The following SRRM4 variants were observed in gnomAD, a reference collection of about 807,000 sequenced individuals.
SRRM4 encodes the protein serine/arginine repetitive matrix protein 4.
Under a neutral mutation model 68.9 loss-of-function variants are expected in SRRM4, and 33 were observed. That is an observed-to-expected ratio of 0.48 (90% CI 0.36 to 0.64). The LOEUF (loss-of-function observed/expected upper bound fraction) is 0.64. Among genes scored for constraint, SRRM4 ranks in the 30% least tolerant of loss-of-function variants. The pLI is 0.00. For synonymous variants in SRRM4, 318 were observed against 318.8 expected (o/e 1.00, Z 0.03); for missense variants, 817 against 827.1 (o/e 0.99, Z 0.15).
At chr12:119,130,650 C>A (rs778201939) in intron 7 of SRRM4, 28 bp from the exon 8 acceptor site, 6 of 1,598,138 alleles carry the variant, frequency 3.8e-6, no homozygotes, top group Non-Finnish European at 5.1e-6. Context: ...CTTCAAAAGA[C>A]CCTCAGGTCT....
At position 119,125,446 on chromosome 12, in the gene SRRM4, G is replaced by C; in HGVS notation, c.581G>C (p.Ser194Thr). 6.2e-7 allele frequency: 1 copy of C among 1,612,950 alleles called. No individual in the cohort carries two copies. The highest frequency in any genetic ancestry group is 8.5e-7 in the Non-Finnish European group (1 of 1,179,610). Residue 194 changes from serine to threonine, a missense_variant, in exon 7 of 13, where the codon AGC becomes ACC. Physicochemically the swap from Ser to Thr is moderately conservative, Grantham distance 58. Transcript: ENST00000267260. The part of the protein sequence containing the change: ...RHHRCPSRSQ[S>T]SESRPSSCES... Reference sequence around the variant, plus strand: ...CACCGCTGCCCCTCGCGGTCCCAGAGCTCGGAGTCCCGCCCCTCAAGCTGT... The same window carrying C: ...CACCGCTGCCCCTCGCGGTCCCAGACCTCGGAGTCCCGCCCCTCAAGCTGT...
chr12:119,098,727 G>A lies in SRRM4; in HGVS notation c.132-3509G>A, dbSNP rs1399902132. On this transcript the variant is annotated intron_variant, in intron 1 of 12. Coordinates refer to ENST00000267260, the MANE Select transcript of SRRM4 (RefSeq NM_194286.4). ...CCTTCTCCATCTCCTCAATGTTGAC[G>A]CCATCCTTCCAGTTGCTCAGGCTCA... Among the ~76,000 whole-genome samples the A allele has an allele frequency of 2.6e-5, 4 of 152,216 alleles. No homozygotes were observed. In the East Asian group the frequency reaches 5.8e-4, roughly 22 times the overall value.
intron 1 of SRRM4, among the ~76,000 whole-genome samples, chr12:119,064,725 C>T (rs1374816584): frequency 6.6e-6 from 1 of 152,130 alleles, no homozygotes; most frequent in East Asian, 1.9e-4. Context: ...CTTTGGAATG[C>T]AGAAAGTGCT....
chr12:119,004,006 T>C (rs963389222), intron 1 of SRRM4, among the ~76,000 whole-genome samples: 1 of 152,074 alleles, frequency 6.6e-6, no homozygotes, highest in Admixed American at 6.5e-5. Flanking sequence ...GTTATTTAAT[T>C]AATAAAAATT....
At chr12:119,155,960 T>C (rs1018536092) in intron 12 of SRRM4, among the ~76,000 whole-genome samples, 1 of 152,198 alleles carries the variant, frequency 6.6e-6, no homozygotes, top group South Asian at 2.1e-4. Context: ...TCTCAAATAA[T>C]TCATCTTGAT....
intron 1 of SRRM4, among the ~76,000 whole-genome samples, chr12:119,059,985 C>G (rs1466582843): frequency 6.6e-6 from 1 of 152,114 alleles, no homozygotes; most frequent in Non-Finnish European, 1.5e-5. Context: ...TCAATCCAAT[C>G]TTCTGTATGC....
intron 1 of SRRM4, among the ~76,000 whole-genome samples, chr12:118,988,466 G>A (rs995410203): frequency 6.6e-6 from 1 of 152,186 alleles, no homozygotes; most frequent in Admixed American, 6.5e-5. Context: ...TCTGGCGTGG[G>A]CTATTAGGCT....
chr12:119,148,973 G>GC (rs1170560234), intron 9 of SRRM4, among the ~76,000 whole-genome samples: 2 of 152,170 alleles, frequency 1.3e-5, no homozygotes, highest in Non-Finnish European at 2.9e-5. Flanking sequence ...CTCTGGAGCT[G>GC]CACAGATCAA....
chr12:119,109,770 C>T (rs1322829408), intron 2 of SRRM4, among the ~76,000 whole-genome samples: 1 of 152,178 alleles, frequency 6.6e-6, no homozygotes, highest in Non-Finnish European at 1.5e-5. Context: ...CAAACATCCT[C>T]CTTTAGCGCA....
intron 1 of SRRM4, among the ~76,000 whole-genome samples, chr12:119,050,467 G>T (rs929377720): frequency 1.3e-5 from 2 of 152,220 alleles, no homozygotes; most frequent in Non-Finnish European, 2.9e-5. Context: ...ATCAGTAGGT[G>T]TTCATAAATT....
intron 5 of SRRM4, among the ~76,000 whole-genome samples, chr12:119,120,894 G>A (rs1954215101): frequency 6.6e-6 from 1 of 152,184 alleles, no homozygotes; most frequent in South Asian, 2.1e-4. Context: ...ACCCAAATCT[G>A]TAGACAGAGG....
At position 119,130,688 on chromosome 12, in the gene SRRM4, C is replaced by A; in HGVS notation, c.625C>A (p.Arg209=). The change falls in exon 8 of 13, where the codon CGG becomes AGG. Residue 209 remains arginine, a synonymous_variant. Transcript: ENST00000267260. The stretch of plus-strand genomic sequence containing the variant: ...CTCCCCCATCCCCAGGCACCGCGGC[C>A]GGTCCCCTGAGGAAGGGCAGAAGTC... ...PSSCESRHRG[R]SPEEGQKSRR... The A allele has an allele frequency of 6.2e-7, 1 of 1,610,596 alleles. No homozygotes were observed. The highest frequency in any genetic ancestry group is 8.5e-7 in the Non-Finnish European group (1 of 1,179,306).
chr12:119,122,723 TGC>T (rs1954230040), intron 6 of SRRM4, among the ~76,000 whole-genome samples: 4 of 152,088 alleles, frequency 2.6e-5, no homozygotes, highest in South Asian at 4.1e-4. Flanking sequence ...ACTGTGTGTG[TGC>T]GCTGTGTAAG....
intron 1 of SRRM4, among the ~76,000 whole-genome samples, chr12:119,047,241 G>A (rs1304758120): frequency 2.0e-5 from 3 of 152,134 alleles, no homozygotes; most frequent in African/African-American, 7.2e-5. Context: ...ATGTACATTT[G>A]TCAGCTAATG....
chr12:119,151,236 A>G lies in SRRM4; in HGVS notation c.1280+16A>G. 6.2e-7 allele frequency: 1 copy of G among 1,608,896 alleles called. No homozygotes were observed. The highest frequency in any genetic ancestry group is 8.5e-7 in the Non-Finnish European group (1 of 1,175,308). On this transcript the variant is annotated intron_variant, in intron 10 of 12. Coordinates refer to ENST00000267260, the MANE Select transcript of SRRM4 (RefSeq NM_194286.4). ...CTGAAAAAAGGTGAGTGTGGTTTTG[A>G]CCTTTGCTCTGCAGCACCTTTCTCC...
At chr12:119,081,128 C>G (rs1592890887) in intron 1 of SRRM4, among the ~76,000 whole-genome samples, 1 of 152,170 alleles carries the variant, frequency 6.6e-6, no homozygotes, top group Non-Finnish European at 1.5e-5. Flanking sequence ...GACCAAAAAC[C>G]TCTACCCTAA....
Position 119,052,940 on chromosome 12 carries a change from T to C in SRRM4, c.132-49296T>C, listed in dbSNP as rs144525584. ...GAGTGCTATGTTTTTCAAATTTCTG[T>C]ACCCAAATTATTATTTGCCTGAGAG... On this transcript the variant is annotated intron_variant, in intron 1 of 12. Transcript: ENST00000267260. Among the ~76,000 whole-genome samples the C allele has an allele frequency of 3.3e-3, 499 of 152,340 alleles. 5 individuals carry two copies. Among genetic ancestry groups the C allele is most frequent in the Non-Finnish European group, 3.2e-3 (218 of 68,030 alleles).
At chr12:119,122,907 G>A (rs961819489) in intron 6 of SRRM4, among the ~76,000 whole-genome samples, 6 of 152,162 alleles carry the variant, frequency 3.9e-5, no homozygotes, top group African/African-American at 1.2e-4. Flanking sequence ...CTCCAGTCTT[G>A]GGGCCCCAGC....
intron 1 of SRRM4, among the ~76,000 whole-genome samples, chr12:118,987,581 T>C (rs1953290494): frequency 6.6e-6 from 1 of 152,170 alleles, no homozygotes; most frequent in African/African-American, 2.4e-5. Flanking sequence ...CTATGAGACT[T>C]GGCAAGCAGC....
Sources: gnomAD v4.1 joint callset for allele counts (sites outside exome capture counted in the v4.1 genomes callset) on GRCh38, gnomAD v4.1.1 for gene constraint, MANE v1.5 for transcripts, NCBI Gene and HGNC (gene_info 2026-07-23, HGNC 2026-07-21) for gene names.